The following POLR1F variants were observed in gnomAD, a reference collection of about 807,000 sequenced individuals.
POLR1F encodes the protein DNA-directed RNA polymerase I subunit RPA43.
In POLR1F, 23 loss-of-function variants were observed where a neutral mutation model predicts 21.8. That is an observed-to-expected ratio of 1.05 (90% CI 0.76 to 1.49). The LOEUF (loss-of-function observed/expected upper bound fraction) is 1.49. Among genes scored for constraint, POLR1F ranks in the 40% most tolerant of loss-of-function variants. The pLI, the probability that POLR1F is intolerant of heterozygous loss-of-function variation, is 0.00. For synonymous variants in POLR1F, 162 were observed against 152.8 expected (o/e 1.06, Z -0.45); for missense variants, 435 against 412.1 (o/e 1.06, Z -0.48).
intron 1 of POLR1F, 118 bp downstream of exon 1, chr7:19,708,645 G>A (rs1263555325): frequency 7.1e-7 from 1 of 1,407,102 alleles, no homozygotes; most frequent in East Asian, 2.3e-5. Flanking sequence ...AATCCAGGGG[G>A]CTAAGCTCTG....
chr7:19,699,506 G>A (rs1783422111), intron 3 of POLR1F, among the ~76,000 whole-genome samples: 1 of 152,206 alleles, frequency 6.6e-6, no homozygotes, highest in African/African-American at 2.4e-5. Flanking sequence ...CCATACTCTT[G>A]TAACTTTAAG....
chr7:19,701,936 G>C (rs73274033), intron 2 of POLR1F, among the ~76,000 whole-genome samples: 4,466 of 152,042 alleles, frequency 0.029, 96 homozygotes, highest in East Asian at 0.062. Context: ...TAGGCAGTCG[G>C]ACACTCAGCA....
chr7:19,706,740 A>C (rs1783530779), intron 1 of POLR1F, among the ~76,000 whole-genome samples: 1 of 152,232 alleles, frequency 6.6e-6, no homozygotes, highest in African/African-American at 2.4e-5. Context: ...TTTTGTTAAA[A>C]GTCATCAGAT....
Position 19,696,806 on chromosome 7 carries a change from T to C in POLR1F, c.*1510A>G, listed in dbSNP as rs1024836176. On this transcript the variant is annotated 3_prime_UTR_variant, in exon 4 of 4. Coordinates refer to ENST00000222567, the MANE Select transcript of POLR1F (RefSeq NM_001002926.2). ...CACCAATATAAAAATTGAGATAGTTTACATTTTTTGGTACATCTTTAAAAT... is the reference window on the plus strand; with the variant it reads ...CACCAATATAAAAATTGAGATAGTTCACATTTTTTGGTACATCTTTAAAAT... The C allele has an allele frequency of 2.6e-5, 4 of 152,128 alleles. No individual in the cohort carries two copies. Among genetic ancestry groups the C allele is most frequent in the African/African-American group, 9.6e-5 (4 of 41,454 alleles). The allele number at this position is 152,128 out of a possible 1,614,324, so 9.4% of individuals were successfully genotyped here. A position where few individuals can be genotyped will look rare whatever the true frequency, so the allele number is the denominator to read the frequency against.
intron 1 of POLR1F, 29 bp from the exon 2 acceptor site, chr7:19,704,949 C>G (rs749942865): frequency 6.5e-7 from 1 of 1,541,328 alleles, no homozygotes; most frequent in Admixed American, 2.3e-5. Flanking sequence ...GAAAATGATA[C>G]CTTTTATCGT....
chr7:19,706,274 G>A (rs1783523452), intron 1 of POLR1F, among the ~76,000 whole-genome samples: 1 of 152,136 alleles, frequency 6.6e-6, no homozygotes, highest in Non-Finnish European at 1.5e-5. Context: ...GCATTCCTAA[G>A]CTGGAATCAT....
intron 3 of POLR1F, 83 bp downstream of exon 3, chr7:19,699,989 A>T: frequency 8.3e-7 from 1 of 1,209,282 alleles, no homozygotes; most frequent in Non-Finnish European, 1.2e-6. Flanking sequence ...TATTCTCTTT[A>T]AAATTAAAAT....
intron 1 of POLR1F, among the ~76,000 whole-genome samples, chr7:19,706,705 TAGC>T (rs1392883170): frequency 2.0e-5 from 3 of 152,196 alleles, no homozygotes; most frequent in Non-Finnish European, 4.4e-5. Flanking sequence ...TTCAGGAACT[TAGC>T]AGTATATAAA....
At chr7:19,705,490 T>C (rs897669659) in intron 1 of POLR1F, 9 of 152,772 alleles carry the variant, frequency 5.9e-5, no homozygotes, top group Non-Finnish European at 1.0e-4. Flanking sequence ...ATTTTGGTAT[T>C]ATTCACCATT....
chr7:19,700,367 A>C (rs879008010), intron 2 of POLR1F, 87 bp from the exon 3 acceptor site: 1 of 976,176 alleles, frequency 1.0e-6, no homozygotes. Flanking sequence ...GCTTCAAATA[A>C]TCTTCAAAGA....
chr7:19,703,763 T>A (rs1227437337), intron 2 of POLR1F, among the ~76,000 whole-genome samples: 1 of 152,084 alleles, frequency 6.6e-6, no homozygotes, highest in East Asian at 1.9e-4. Context: ...ACTGGCTAAT[T>A]TTTTATTTTG....
intron 3 of POLR1F, 95 bp downstream of exon 3, chr7:19,699,977 C>T: frequency 9.6e-7 from 1 of 1,040,552 alleles, no homozygotes; most frequent in Non-Finnish European, 1.4e-6. Context: ...TTTAGAGAGG[C>T]TTATTCTCTT....
intron 2 of POLR1F, among the ~76,000 whole-genome samples, chr7:19,703,287 A>G (rs1033265776): frequency 6.6e-6 from 1 of 152,204 alleles, no homozygotes; most frequent in Non-Finnish European, 1.5e-5. Flanking sequence ...TAAAATCAGA[A>G]GAGTAATTAT....
intron 2 of POLR1F, among the ~76,000 whole-genome samples, chr7:19,702,287 T>C (rs1783456050): frequency 6.6e-6 from 1 of 152,194 alleles, no homozygotes; most frequent in South Asian, 2.1e-4. Context: ...CTAAAACTGC[T>C]GTTAAAAATA....
intron 3 of POLR1F, among the ~76,000 whole-genome samples, chr7:19,699,095 C>T (rs1269325557): frequency 3.9e-5 from 6 of 152,076 alleles, no homozygotes; most frequent in Admixed American, 2.6e-4. Flanking sequence ...CACCACAATA[C>T]CTAGGCTTAT....
intron 1 of POLR1F, among the ~76,000 whole-genome samples, chr7:19,705,783 G>A (rs571573558): frequency 6.6e-6 from 1 of 152,286 alleles, no homozygotes; most frequent in South Asian, 2.1e-4. Context: ...GGGAGGCGGA[G>A]GGTGTGGTGA....
chr7:19,708,742 A>G (rs1262265437), intron 1 of POLR1F, 21 bp downstream of exon 1: 2 of 1,591,558 alleles, frequency 1.3e-6, no homozygotes, highest in East Asian at 2.3e-5. Context: ...CAAAAGAAGG[A>G]ACAGGCAAAG....
chr7:19,708,284 G>A (rs1231856366), intron 1 of POLR1F, among the ~76,000 whole-genome samples: 1 of 152,062 alleles, frequency 6.6e-6, no homozygotes, highest in Non-Finnish European at 1.5e-5. Context: ...CAACAAAAAA[G>A]GTCCTTCATG....
At chr7:19,700,006 C>A in intron 3 of POLR1F, 66 bp downstream of exon 3, 1 of 1,329,748 alleles carries the variant, frequency 7.5e-7, no homozygotes, top group Non-Finnish European at 1.1e-6. Flanking sequence ...AAATAAAATT[C>A]TCTTTAAAAT....
Sources: gnomAD v4.1 joint callset for allele counts (sites outside exome capture counted in the v4.1 genomes callset) on GRCh38, gnomAD v4.1.1 for gene constraint, MANE v1.5 for transcripts, NCBI Gene and HGNC (gene_info 2026-07-23, HGNC 2026-07-21) for gene names.